The following C13orf42 variants were observed in gnomAD, a reference collection of about 807,000 sequenced individuals.
C13orf42 encodes the protein chromosome 13 open reading frame 42, also known as uncharacterized protein C13orf42.
At chr13:51,089,485 A>C (rs1468434009) in intron 1 of C13orf42, among the ~76,000 whole-genome samples, 1 of 151,990 alleles carries the variant, frequency 6.6e-6, no homozygotes, top group African/African-American at 2.4e-5. Flanking sequence ...GTGAGTTCTC[A>C]TGAGATCTGA....
intron 1 of C13orf42, among the ~76,000 whole-genome samples, chr13:51,135,783 A>G (rs1037676274): frequency 2.0e-5 from 3 of 152,086 alleles, no homozygotes; most frequent in Non-Finnish European, 2.9e-5. Flanking sequence ...TCTGCCTTCA[A>G]TCTGCCTTCA....
intron 2 of C13orf42, among the ~76,000 whole-genome samples, chr13:51,087,020 T>C (rs1386144771): frequency 6.6e-6 from 1 of 152,208 alleles, no homozygotes; most frequent in Non-Finnish European, 1.5e-5. Context: ...TCATGAATTA[T>C]TTAATATTGG....
intron 2 of C13orf42, among the ~76,000 whole-genome samples, 167 bp downstream of exon 2, chr13:51,087,761 A>T (rs1172481215): frequency 6.6e-6 from 1 of 152,220 alleles, no homozygotes; most frequent in African/African-American, 2.4e-5. Flanking sequence ...GGATGGGCTC[A>T]GGGCCAGGCT....
At chr13:51,147,541 C>A (rs895702645) in intron 1 of C13orf42, among the ~76,000 whole-genome samples, 8 of 152,100 alleles carry the variant, frequency 5.3e-5, no homozygotes, top group African/African-American at 1.9e-4. Flanking sequence ...ACGAGCCTGG[C>A]CAACATAGTG....
At chr13:51,136,766 A>G (rs1222123244) in intron 1 of C13orf42, among the ~76,000 whole-genome samples, 3 of 152,234 alleles carry the variant, frequency 2.0e-5, no homozygotes, top group Admixed American at 2.0e-4. Context: ...CAGGACCCCC[A>G]GGAGCCTGGC....
At chr13:51,132,988 G>A (rs1205478601) in intron 1 of C13orf42, among the ~76,000 whole-genome samples, 2 of 152,120 alleles carry the variant, frequency 1.3e-5, no homozygotes, top group Non-Finnish European at 2.9e-5. Flanking sequence ...CAAATGCCAT[G>A]GCAACATCAG....
chr13:51,130,974 TAGA>T (rs1313512400), intron 1 of C13orf42, among the ~76,000 whole-genome samples: 3 of 152,086 alleles, frequency 2.0e-5, no homozygotes, highest in African/African-American at 7.2e-5. Flanking sequence ...GAACAAGTTG[TAGA>T]AGGTTTGTGA....
intron 1 of C13orf42, among the ~76,000 whole-genome samples, chr13:51,107,955 G>C (rs1566127827): frequency 1.3e-5 from 2 of 152,186 alleles, no homozygotes; most frequent in Non-Finnish European, 2.9e-5. Context: ...CCACAAACTG[G>C]GTAGCTTCTG....
Position 51,128,739 on chromosome 13 carries a change from T to C in C13orf42, n.137-15517A>G, listed in dbSNP as rs1953593588. Reference sequence around the variant, plus strand: ...TCTGCCTTGCACTCTTTGCTGATGTTGTGATTCACTCAGGATGGTGGAAGA... The same window carrying C: ...TCTGCCTTGCACTCTTTGCTGATGTCGTGATTCACTCAGGATGGTGGAAGA... On this transcript the variant is annotated intron_variant and non_coding_transcript_variant, in intron 1 of 4. Coordinates refer to the C13orf42 transcript ENST00000433280. 3.3e-5 allele frequency among the ~76,000 whole-genome samples: 5 copies of C among 152,250 alleles called. No homozygotes were observed. The South Asian group carries it at 1.0e-3, about 31-fold the overall frequency.
chr13:51,108,603 G>A (rs1953389066), intron 1 of C13orf42, among the ~76,000 whole-genome samples: 1 of 152,222 alleles, frequency 6.6e-6, no homozygotes, highest in African/African-American at 2.4e-5. Context: ...CAGAGTCAGT[G>A]AACGCTGGAG....
chr13:51,097,114 T>C (rs1953242216), intron 1 of C13orf42, among the ~76,000 whole-genome samples: 1 of 152,242 alleles, frequency 6.6e-6, no homozygotes, highest in Non-Finnish European at 1.5e-5. Flanking sequence ...TCCTCATCCC[T>C]TTTAATAGCT....
intron 1 of C13orf42, among the ~76,000 whole-genome samples, chr13:51,100,794 C>T (rs1953282323): frequency 6.6e-6 from 1 of 152,144 alleles, no homozygotes; most frequent in African/African-American, 2.4e-5. Flanking sequence ...GACCTTTGGC[C>T]TTCAACCCAT....
At chr13:51,171,383 T>C (rs1953949994) in intron 1 of C13orf42, among the ~76,000 whole-genome samples, 2 of 152,124 alleles carry the variant, frequency 1.3e-5, no homozygotes, top group African/African-American at 4.8e-5. Context: ...AGGCATTCTT[T>C]TACACATCAG....
chr13:51,107,745 G>C (rs1279240978), intron 1 of C13orf42, among the ~76,000 whole-genome samples: 1 of 152,198 alleles, frequency 6.6e-6, no homozygotes, highest in Non-Finnish European at 1.5e-5. Context: ...TCTGGAGATA[G>C]AAAAATGAGA....
chr13:51,150,020 C>T (rs1858057149), intron 1 of C13orf42, among the ~76,000 whole-genome samples: 1 of 152,206 alleles, frequency 6.6e-6, no homozygotes, highest in Non-Finnish European at 1.5e-5. Context: ...GACGAATAAA[C>T]TCAGACCTTT....
intron 1 of C13orf42, among the ~76,000 whole-genome samples, chr13:51,098,029 C>G (rs1173134121): frequency 6.6e-6 from 1 of 152,190 alleles, no homozygotes; most frequent in African/African-American, 2.4e-5. Context: ...GCCTGAGCCT[C>G]GGATTACTTT....
chr13:51,144,148 C>T (rs762865958), intron 1 of C13orf42, among the ~76,000 whole-genome samples: 4 of 151,994 alleles, frequency 2.6e-5, no homozygotes, highest in Non-Finnish European at 4.4e-5. Flanking sequence ...AACAGGAGCT[C>T]TTGAATACAG....
At position 51,084,015 on chromosome 13, in the gene C13orf42, C is replaced by G. The variant is rs1953093050; in HGVS notation, c.*136G>C. 2.5e-6 allele frequency: 1 copy of G among 395,240 alleles called. No individual in the cohort carries two copies. Among genetic ancestry groups the G allele is most frequent in the Non-Finnish European group, 4.5e-6 (1 of 224,488 alleles). 24.5% of individuals were successfully genotyped at this position (395,240 alleles called of 1,614,324 possible). A position where few individuals can be genotyped will look rare whatever the true frequency, so the allele number is the denominator to read the frequency against. ...AGGTCTGTTTGGCACTGGCACGGCA[C>G]CAGCAGGCAGTGTGCTGAGTGGGTT... On this transcript the variant is annotated 3_prime_UTR_variant, in exon 4 of 4. Transcript: ENST00000563710.
intron 1 of C13orf42, 98 bp downstream of exon 1, chr13:51,110,698 T>C (rs1953418377): frequency 5.0e-6 from 2 of 397,262 alleles, no homozygotes; most frequent in Admixed American, 4.4e-5. Flanking sequence ...ATGTGTCAGA[T>C]TAATTAAGCC....
Sources: allele counts gnomAD v4.1 joint callset (sites outside exome capture counted in the v4.1 genomes callset), GRCh38; gene constraint gnomAD v4.1.1; transcripts MANE v1.5; gene names NCBI Gene and HGNC (gene_info 2026-07-23, HGNC 2026-07-21).